Variants in AJAP1 observed in about 807,000 individuals in gnomAD.
AJAP1 encodes adherens junction-associated protein 1.
A neutral mutation model predicts 35.0 loss-of-function variants in AJAP1; 5 were observed. The ratio of observed to expected loss-of-function variants is 0.14; its 90% CI spans 0.07 to 0.30. The LOEUF is 0.30. AJAP1 is among the 10% of genes least tolerant of loss of function. The pLI is 1.00. For missense variants in AJAP1, 586 were observed against 571.0 expected (o/e 1.03, Z -0.27); for synonymous variants, 284 against 249.3 (o/e 1.14, Z -1.31).
chr1:4,728,566 C>T (rs1260539575), intron 2 of AJAP1, among the ~76,000 whole-genome samples: 1 of 152,164 alleles, frequency 6.6e-6, no homozygotes, highest in Non-Finnish European at 1.5e-5. Flanking sequence ...GCCGTGGGGG[C>T]CTGGCCTGCT....
chr1:4,712,192 G>T lies in AJAP1; in HGVS notation c.322G>T (p.Ala108Ser). The change falls in exon 2 of 6, where the codon GCG becomes TCG. Residue 108 changes from alanine (A) to serine (S), a missense_variant. Transcript: ENST00000378191. ...ACGGGCCCACAGGCCCCGGGACCAG[G>T]CGGCCGCCCTCGTGCCCAAGGCAGG... ...ARRAHRPRDQAAALVPKAGLA... is the reference protein window; with the variant it reads ...ARRAHRPRDQSAALVPKAGLA... 6.4e-7 allele frequency: 1 copy of T among 1,565,520 alleles called. No homozygotes were observed. Among genetic ancestry groups the T allele is most frequent in the South Asian group, 1.2e-5 (1 of 85,084 alleles).
rs138156067 is a variant in AJAP1, at chr1:4,679,492, A to G, written c.29+24038A>G. ...CTGTCTGCATTAGATTAATGTGGCCACCATAAAGTACTACAAACTGGATGG... is the reference window on the plus strand; with the variant it reads ...CTGTCTGCATTAGATTAATGTGGCCGCCATAAAGTACTACAAACTGGATGG... On this transcript the variant is annotated intron_variant, in intron 1 of 5. Transcript: ENST00000378191. 7.9e-3 allele frequency among the ~76,000 whole-genome samples: 1,203 copies of G among 152,340 alleles called. 22 individuals are homozygous for G. Among genetic ancestry groups the G allele is most frequent in the African/African-American group, 0.028 (1,150 of 41,576 alleles).
intron 5 of AJAP1, among the ~76,000 whole-genome samples, chr1:4,779,367 G>T (rs1642017137): frequency 6.7e-6 from 1 of 149,354 alleles, no homozygotes; most frequent in South Asian, 2.1e-4. Flanking sequence ...ACAGAGTCTC[G>T]CTCTGTCGCC....
chr1:4,662,035 G>T (rs1639009290), intron 1 of AJAP1, among the ~76,000 whole-genome samples: 1 of 144,124 alleles, frequency 6.9e-6, no homozygotes, highest in African/African-American at 2.7e-5. Flanking sequence ...AAAAGGAATT[G>T]CCCTTTATAT....
chr1:4,772,631 C>A, intron 4 of AJAP1, 106 bp downstream of exon 4: 1 of 1,493,446 alleles, frequency 6.7e-7, no homozygotes, highest in Non-Finnish European at 9.0e-7. Flanking sequence ...TTTAGGTCTT[C>A]CCTGAGGTCG....
At chr1:4,743,947 GGCTCTC>G (rs1641127753) in intron 2 of AJAP1, among the ~76,000 whole-genome samples, 1 of 152,118 alleles carries the variant, frequency 6.6e-6, no homozygotes, top group African/African-American at 2.4e-5. Context: ...AGGCTCTCCA[GGCTCTC>G]CAGGTTGGGA....
chr1:4,727,155 C>T (rs1640682607), intron 2 of AJAP1, among the ~76,000 whole-genome samples: 1 of 152,238 alleles, frequency 6.6e-6, no homozygotes, highest in African/African-American at 2.4e-5. Flanking sequence ...GCCAGGCGGC[C>T]GTTCCCAGGC....
intron 2 of AJAP1, among the ~76,000 whole-genome samples, chr1:4,740,327 CAGAA>C (rs937393151): frequency 6.4e-4 from 2 of 3,132 alleles, no homozygotes; most frequent in Non-Finnish European, 1.3e-3. Flanking sequence ...TGCATAGAGA[CAGAA>C]AGTCAAATGG....
At chr1:4,673,919 A>G (rs756767670) in intron 1 of AJAP1, among the ~76,000 whole-genome samples, 1 of 151,832 alleles carries the variant, frequency 6.6e-6, no homozygotes, top group African/African-American at 2.4e-5. Context: ...ATTACTCCCA[A>G]ATAGGGCTGC....
chr1:4,703,513 A>G (rs1570131675), intron 1 of AJAP1, among the ~76,000 whole-genome samples: 1 of 152,280 alleles, frequency 6.6e-6, no homozygotes, highest in East Asian at 1.9e-4. Context: ...CAAGGGCAGA[A>G]CCACCAGGGA....
chr1:4,702,300 C>T (rs759745650), intron 1 of AJAP1, among the ~76,000 whole-genome samples: 4 of 152,180 alleles, frequency 2.6e-5, no homozygotes, highest in Non-Finnish European at 5.9e-5. Context: ...GATCAGAGGC[C>T]AGCTCACTGT....
At chr1:4,716,578 A>ATGGTGATGATGGTGT (rs1481292861) in intron 2 of AJAP1, among the ~76,000 whole-genome samples, 1 of 151,706 alleles carries the variant, frequency 6.6e-6, no homozygotes, top group Non-Finnish European at 1.5e-5. Flanking sequence ...GATGGAGATG[A>ATGGTGATGATGGTGT]TGGTGATGAT....
Position 4,656,811 on chromosome 1 carries a change from G to T in AJAP1, c.29+1357G>T, listed in dbSNP as rs1013278634. 6.6e-6 allele frequency among the ~76,000 whole-genome samples: 1 copy of T among 152,168 alleles called. No individual in the cohort carries two copies. Among genetic ancestry groups the T allele is most frequent in the South Asian group, 2.1e-4 (1 of 4,824 alleles). ...CGATTGTGTTGGGTGTGGGATATTGGTCGGGCGTGAATCGATAAGTGTGCT... is the reference window on the plus strand; with the variant it reads ...CGATTGTGTTGGGTGTGGGATATTGTTCGGGCGTGAATCGATAAGTGTGCT... On this transcript the variant is annotated intron_variant, in intron 1 of 5. Transcript: ENST00000378191. The surrounding 1 kb of genome is among the most constrained non-coding windows in gnomAD (Gnocchi z 5.7).
intron 2 of AJAP1, among the ~76,000 whole-genome samples, chr1:4,760,500 C>T (rs184713248): frequency 2.0e-5 from 3 of 152,142 alleles, no homozygotes; most frequent in Non-Finnish European, 4.4e-5. Flanking sequence ...CTTTCTGCTC[C>T]GGAGAAGGTG....
intron 1 of AJAP1, among the ~76,000 whole-genome samples, chr1:4,695,701 C>CGAAG (rs1338805473): frequency 2.6e-5 from 4 of 152,176 alleles, no homozygotes; most frequent in African/African-American, 9.7e-5. Flanking sequence ...CCTGTATCTT[C>CGAAG]ACATGGTCTT....
intron 2 of AJAP1, among the ~76,000 whole-genome samples, chr1:4,730,313 G>A (rs1640768183): frequency 6.6e-6 from 1 of 152,152 alleles, no homozygotes. Context: ...GGCTCCTGGG[G>A]AAACAAAATA....
At chr1:4,728,821 G>A (rs1158871083) in intron 2 of AJAP1, among the ~76,000 whole-genome samples, 1 of 152,196 alleles carries the variant, frequency 6.6e-6, no homozygotes, top group Non-Finnish European at 1.5e-5. Flanking sequence ...CTGGGCCTGG[G>A]GCTCACTTAG....
At chr1:4,694,173 C>G (rs555264561) in intron 1 of AJAP1, among the ~76,000 whole-genome samples, 1 of 133,472 alleles carries the variant, frequency 7.5e-6, no homozygotes, top group Non-Finnish European at 1.6e-5. Context: ...CCCAGGGGCA[C>G]GGGTGCCAGT....
chr1:4,666,934 G>A (rs919795100), intron 1 of AJAP1, among the ~76,000 whole-genome samples: 4 of 149,814 alleles, frequency 2.7e-5, no homozygotes, highest in Admixed American at 6.6e-5. Context: ...AGAGGGGTGC[G>A]GAGAGGGGCC....
Sources: gnomAD v4.1 joint callset for allele counts (sites outside exome capture counted in the v4.1 genomes callset) on GRCh38, gnomAD v4.1.1 for gene constraint, Gnocchi (gnomAD v3.1) non-coding constraint, MANE v1.5 for transcripts, NCBI Gene and HGNC (gene_info 2026-07-23, HGNC 2026-07-21) for gene names.